The following NRIP3 variants were observed in gnomAD, a reference collection of about 807,000 sequenced individuals.
NRIP3 encodes the protein nuclear receptor interacting protein 3.
In NRIP3, 31 loss-of-function variants were observed where a neutral mutation model predicts 29.0. The observed-to-expected ratio is 1.07, with a 90% CI of 0.80 to 1.44. The LOEUF (loss-of-function observed/expected upper bound fraction) is 1.44. Among genes scored for constraint, NRIP3 ranks in the 40% most tolerant of loss-of-function variants. NRIP3 has a pLI of 0.00. For missense variants in NRIP3, 314 were observed against 297.9 expected (o/e 1.05, Z -0.40); for synonymous variants, 131 against 118.3 (o/e 1.11, Z -0.70).
intron 4 of NRIP3, among the ~76,000 whole-genome samples, chr11:8,984,390 G>A (rs1029423520): frequency 3.9e-5 from 6 of 152,018 alleles, no homozygotes; most frequent in Admixed American, 1.3e-4. Context: ...AGCCTCTGGA[G>A]TAGCTGGGAT....
At chr11:8,984,272 T>A (rs143061095) in intron 4 of NRIP3, 148 bp from the exon 5 acceptor site, 5 of 517,020 alleles carry the variant, frequency 9.7e-6, no homozygotes, top group Non-Finnish European at 1.7e-5. Context: ...ATTTTTTTTT[T>A]ATTTTTTGAG....
intron 4 of NRIP3, among the ~76,000 whole-genome samples, chr11:8,985,330 T>C (rs545695884): frequency 1.8e-4 from 27 of 151,844 alleles, no homozygotes; most frequent in Admixed American, 9.8e-4. Context: ...CCACCACGCC[T>C]GGCTAATTTT....
rs182109992 is a variant in NRIP3 at position 8,981,862 on chromosome 11, G to A, written c.*1683C>T. 2.7e-4 allele frequency: 41 copies of A among 152,312 alleles called. No individual in the cohort carries two copies. Among genetic ancestry groups the A allele is most frequent in the Admixed American group, 1.8e-3 (28 of 15,294 alleles). 9.4% of individuals were successfully genotyped at this position (152,312 alleles called of 1,614,324 possible). On this transcript the variant is annotated 3_prime_UTR_variant, in exon 7 of 7. Coordinates refer to ENST00000309166, the MANE Select transcript of NRIP3 (RefSeq NM_020645.3). The stretch of plus-strand genomic sequence containing the variant: ...AATGACCCCATGACAACTGACTGCA[G>A]TATGGCTGCCTAGTTGTTCAAATGA...
intron 1 of NRIP3, among the ~76,000 whole-genome samples, chr11:8,995,917 G>A (rs1199332163): frequency 3.3e-5 from 5 of 152,000 alleles, no homozygotes; most frequent in African/African-American, 9.7e-5. Context: ...CCTTTGCACT[G>A]GCTGTCCCCT....
Position 8,983,558 on chromosome 11 carries a change from G to C in NRIP3, c.713C>G (p.Thr238Ser). 2 of 1,613,600 alleles carry C rather than the reference G, an allele frequency of 1.2e-6. No homozygotes were observed. Among genetic ancestry groups the C allele is most frequent in the Non-Finnish European group, 1.7e-6 (2 of 1,179,602 alleles). The part of the protein sequence containing the change: ...VETVSLNEDN[T>S]SEA Reference sequence around the variant, plus strand: ...TGCAGGCTGTAGTTATGCTTCTGAAGTGCTGAAATGAGAAATAAATATCAG... The same window carrying C: ...TGCAGGCTGTAGTTATGCTTCTGAACTGCTGAAATGAGAAATAAATATCAG... The change falls in exon 7 of 7, where the codon ACT becomes AGT. Residue 238 changes from threonine (T) to serine (S), a missense_variant and splice_region_variant. Thr to Ser is a moderately conservative substitution (Grantham distance 58). Coordinates refer to ENST00000309166, the MANE Select transcript of NRIP3 (RefSeq NM_020645.3).
At chr11:8,999,415 CT>C (rs1442948798) in intron 1 of NRIP3, among the ~76,000 whole-genome samples, 1 of 152,144 alleles carries the variant, frequency 6.6e-6, no homozygotes, top group Non-Finnish European at 1.5e-5. Context: ...ACTCTTGCCC[CT>C]TTACAGTGTA....
chr11:8,996,524 A>G (rs1854709616), intron 1 of NRIP3, among the ~76,000 whole-genome samples: 1 of 151,946 alleles, frequency 6.6e-6, no homozygotes, highest in Non-Finnish European at 1.5e-5. Flanking sequence ...CAGGTGATCC[A>G]CTTGCCTTGG....
chr11:9,004,223 G>C (rs943755914), upstream of NRIP3: 2 of 278,910 alleles, frequency 7.2e-6, no homozygotes, highest in African/African-American at 4.4e-5. Context: ...AATCCACCGC[G>C]GCCTTTTCAC....
At chr11:8,983,754 G>T in intron 6 of NRIP3, 121 bp downstream of exon 6, 1 of 939,300 alleles carries the variant, frequency 1.1e-6, no homozygotes, top group South Asian at 1.4e-5. Flanking sequence ...GGGTGGATTT[G>T]TAGTATAATT....
chr11:8,991,664 T>C (rs1228812610), intron 1 of NRIP3, among the ~76,000 whole-genome samples: 5 of 152,248 alleles, frequency 3.3e-5, no homozygotes. Context: ...TAGAGAAAGC[T>C]AAGTGCTTTA....
intron 1 of NRIP3, among the ~76,000 whole-genome samples, chr11:8,999,547 C>T (rs1011835345): frequency 2.6e-5 from 4 of 152,114 alleles, no homozygotes; most frequent in African/African-American, 9.7e-5. Context: ...CATAGGTATG[C>T]GCTGAAAAGA....
At chr11:9,000,501 GA>G (rs1854774531) in intron 1 of NRIP3, among the ~76,000 whole-genome samples, 1 of 152,058 alleles carries the variant, frequency 6.6e-6, no homozygotes, top group Non-Finnish European at 1.5e-5. Context: ...AGTCAGTTTT[GA>G]AAAAGCATTT....
At chr11:8,984,360 T>C (rs1477767459) in intron 4 of NRIP3, among the ~76,000 whole-genome samples, 2 of 151,806 alleles carry the variant, frequency 1.3e-5, no homozygotes, top group Non-Finnish European at 2.9e-5. Flanking sequence ...CCTCTCAGGT[T>C]CAAGCAATTC....
Position 8,987,589 on chromosome 11 carries a change from G to C in NRIP3, c.381C>G (p.Cys127Trp), listed in dbSNP as rs1244274749. Residue 127 changes from cysteine to tryptophan, a missense_variant, in exon 3 of 7, where the codon TGC (cysteine) becomes TGG (tryptophan). Cys to Trp is a radical substitution (Grantham distance 215, BLOSUM62 -2). Transcript: ENST00000309166. ...KDVKALVDTG[C>W]LYNLISLACV... is the part of the protein sequence containing the mutation. ...AGGCCAAAGAGATGAGATTATATAG[G>C]CAGCCTGTGTCAACCAAGGCTTTCA... 1.2e-6 allele frequency: 2 copies of C among 1,613,928 alleles called. No individual in the cohort carries two copies. The highest frequency in any genetic ancestry group is 2.7e-5 in the African/African-American group (2 of 74,894).
chr11:9,004,115 T>TCGCGTCCCGCGTCCCGCGTCCCGCGTCC (rs548203402), upstream of NRIP3: 46 of 479,254 alleles, frequency 9.6e-5, no homozygotes, highest in African/African-American at 8.9e-4. Flanking sequence ...CGCGGCTCCC[T>TCGCGTCCCGCGTCCCGCGTCCCGCGTCC]CGCGTCCCGC....
intron 1 of NRIP3, among the ~76,000 whole-genome samples, chr11:8,994,308 C>A (rs1343959975): frequency 6.6e-6 from 1 of 152,192 alleles, no homozygotes; most frequent in Non-Finnish European, 1.5e-5. Context: ...TTGCCCATAT[C>A]TTCTTGGTCA....
At chr11:9,001,186 A>G (rs1854788172) in intron 1 of NRIP3, among the ~76,000 whole-genome samples, 1 of 152,230 alleles carries the variant, frequency 6.6e-6, no homozygotes, top group Non-Finnish European at 1.5e-5. Flanking sequence ...ACAAAAATAT[A>G]ATTTCCACAG....
At chr11:8,996,285 T>TTTC (rs1463283732) in intron 1 of NRIP3, among the ~76,000 whole-genome samples, 1 of 136,554 alleles carries the variant, frequency 7.3e-6, no homozygotes, top group East Asian at 2.1e-4. Context: ...CTTTTTTTTT[T>TTTC]TTTTTTTTTT....
At chr11:8,993,305 C>A (rs1210105181) in intron 1 of NRIP3, among the ~76,000 whole-genome samples, 2 of 152,056 alleles carry the variant, frequency 1.3e-5, no homozygotes, top group East Asian at 3.8e-4. Flanking sequence ...TTTTTTTAAA[C>A]ACCAAGGAAA....
Sources: allele counts gnomAD v4.1 joint callset (sites outside exome capture counted in the v4.1 genomes callset), GRCh38; gene constraint gnomAD v4.1.1; transcripts MANE v1.5; gene names NCBI Gene and HGNC (gene_info 2026-07-23, HGNC 2026-07-21).